Variants in RNF150 observed in about 807,000 individuals in gnomAD.
The protein encoded by RNF150 is ring finger protein 150.
A neutral mutation model predicts 39.3 loss-of-function variants in RNF150; 24 were observed. That is an observed-to-expected ratio of 0.61 (90% CI 0.44 to 0.86). The LOEUF is 0.86. RNF150 is among the 40% of genes least tolerant of loss of function. The pLI, the probability that RNF150 is intolerant of heterozygous loss-of-function variation, is 0.00. For synonymous variants in RNF150, 255 were observed against 227.3 expected (o/e 1.12, Z -1.10); for missense variants, 502 against 587.8 (o/e 0.85, Z 1.51).
At chr4:141,032,884 A>G (rs775197765) in intron 1 of RNF150, among the ~76,000 whole-genome samples, 1 of 152,214 alleles carries the variant, frequency 6.6e-6, no homozygotes, top group Non-Finnish European at 1.5e-5. Context: ...AATTAAAAAT[A>G]CTTTATTGCT....
chr4:141,080,333 G>A (rs1279069900), intron 1 of RNF150, among the ~76,000 whole-genome samples: 1 of 152,036 alleles, frequency 6.6e-6, no homozygotes, highest in Non-Finnish European at 1.5e-5. Context: ...TTTTTACAAT[G>A]ACAAATACGA....
At chr4:141,066,133 C>T (rs1282023058) in intron 1 of RNF150, among the ~76,000 whole-genome samples, 1 of 151,970 alleles carries the variant, frequency 6.6e-6, no homozygotes, top group Non-Finnish European at 1.5e-5. Context: ...CAAAAACTTC[C>T]TCCTCCCACT....
At chr4:141,067,093 C>T (rs75357322) in intron 1 of RNF150, among the ~76,000 whole-genome samples, 2,595 of 152,192 alleles carry the variant, frequency 0.017, 28 homozygotes, top group South Asian at 0.039. Context: ...CTTATGGGAC[C>T]ACTGTCATAT....
intron 2 of RNF150, among the ~76,000 whole-genome samples, chr4:140,950,893 T>C (rs1732515016): frequency 6.6e-6 from 1 of 152,222 alleles, no homozygotes; most frequent in Non-Finnish European, 1.5e-5. Flanking sequence ...AAAGGAGACC[T>C]ATGCCCTTGA....
intron 1 of RNF150, among the ~76,000 whole-genome samples, chr4:141,172,815 AGG>A (rs1325869816): frequency 6.6e-6 from 1 of 152,190 alleles, no homozygotes; most frequent in East Asian, 1.9e-4. Context: ...ACCTGAGGTC[AGG>A]AGTTCAAGAC....
At chr4:141,011,230 A>G (rs902872668) in intron 1 of RNF150, among the ~76,000 whole-genome samples, 1 of 152,022 alleles carries the variant, frequency 6.6e-6, no homozygotes, top group Non-Finnish European at 1.5e-5. Context: ...TGCCATTTTT[A>G]TCTCATTCAG....
At chr4:141,033,048 G>A (rs1197368590) in intron 1 of RNF150, among the ~76,000 whole-genome samples, 1 of 152,132 alleles carries the variant, frequency 6.6e-6, no homozygotes, top group Non-Finnish European at 1.5e-5. Flanking sequence ...CAACAATGAA[G>A]TTTGCTGCAT....
intron 6 of RNF150, among the ~76,000 whole-genome samples, chr4:140,905,073 C>T (rs1383247111): frequency 6.6e-6 from 1 of 152,116 alleles, no homozygotes; most frequent in Non-Finnish European, 1.5e-5. Context: ...GAGTATGTGT[C>T]CCTGGAAAGC....
intron 1 of RNF150, among the ~76,000 whole-genome samples, chr4:141,046,300 C>A (rs920519998): frequency 1.3e-5 from 2 of 152,192 alleles, no homozygotes; most frequent in Non-Finnish European, 2.9e-5. Flanking sequence ...TACATAGATA[C>A]TAACACTCCT....
At chr4:140,903,084 C>T (rs369967398) in intron 6 of RNF150, among the ~76,000 whole-genome samples, 27 of 152,230 alleles carry the variant, frequency 1.8e-4, no homozygotes, top group Admixed American at 7.8e-4. Context: ...ACTTTAATCA[C>T]GGAGCTAGGG....
chr4:141,048,407 C>A (rs1736659633), intron 1 of RNF150, among the ~76,000 whole-genome samples: 1 of 152,160 alleles, frequency 6.6e-6, no homozygotes, highest in Non-Finnish European at 1.5e-5. Flanking sequence ...GAAGATCCAT[C>A]TTGGCATGCA....
intron 1 of RNF150, among the ~76,000 whole-genome samples, chr4:140,992,624 G>A (rs1185960287): frequency 6.6e-6 from 1 of 152,120 alleles, no homozygotes; most frequent in Non-Finnish European, 1.5e-5. Context: ...AACCCTCAGT[G>A]AAGCTTTCCT....
chr4:141,093,412 C>A (rs1219313503), intron 1 of RNF150, among the ~76,000 whole-genome samples: 2 of 127,172 alleles, frequency 1.6e-5, no homozygotes, highest in African/African-American at 3.2e-5. Context: ...GAAGCTGAAG[C>A]CCCAGCAGGG....
At chr4:141,131,809 G>A (rs964737870) in intron 1 of RNF150, among the ~76,000 whole-genome samples, 1 of 152,072 alleles carries the variant, frequency 6.6e-6, no homozygotes, top group African/African-American at 2.4e-5. Context: ...CTTTTAATAT[G>A]ATTAATGAAG....
rs753409260 is a variant in RNF150, at chr4:140,999,968, AG to A, written c.485-32096del. 9.2e-4 allele frequency among the ~76,000 whole-genome samples: 28 copies of A among 30,464 alleles called. 4 individuals are homozygous for A. The highest frequency in any genetic ancestry group is 2.5e-3 in the Non-Finnish European group (25 of 10,168). 20.0% of individuals were successfully genotyped at this position (30,464 alleles called of 152,430 possible). ...AAGAAGAAGAAGAAGAAGAAGAAGA[AG>A]AAGAAGAAAAGAAGAAAAGAAGAAA... On this transcript the variant is annotated intron_variant, in intron 1 of 6. Coordinates refer to ENST00000515673, the MANE Select transcript of RNF150 (RefSeq NM_020724.2).
chr4:141,186,589 TAG>T (rs1269202577), intron 1 of RNF150, among the ~76,000 whole-genome samples: 4 of 151,316 alleles, frequency 2.6e-5, no homozygotes, highest in African/African-American at 9.7e-5. Context: ...TTTTTTTTAG[TAG>T]AGACAGGGTT....
At chr4:140,978,510 A>G (rs570482754) in intron 1 of RNF150, among the ~76,000 whole-genome samples, 1 of 152,306 alleles carries the variant, frequency 6.6e-6, no homozygotes, top group East Asian at 1.9e-4. Context: ...ACAAGTGTAT[A>G]GAATTATTTA....
intron 1 of RNF150, among the ~76,000 whole-genome samples, chr4:141,064,767 C>T (rs542274009): frequency 6.6e-6 from 1 of 151,976 alleles, no homozygotes; most frequent in Non-Finnish European, 1.5e-5. Flanking sequence ...AGAGGTAGTA[C>T]CCCTTCAAGC....
chr4:141,142,839 G>GATCTAC (rs1727143163), intron 1 of RNF150, among the ~76,000 whole-genome samples: 1 of 151,236 alleles, frequency 6.6e-6, no homozygotes, highest in Admixed American at 6.6e-5. Context: ...TTATGTAGGT[G>GATCTAC]ATCTACCCCC....
Sources: gnomAD v4.1 joint callset for allele counts (sites outside exome capture counted in the v4.1 genomes callset) on GRCh38, gnomAD v4.1.1 for gene constraint, MANE v1.5 for transcripts, NCBI Gene and HGNC (gene_info 2026-07-23, HGNC 2026-07-21) for gene names.